The following HERC1 variants were observed in gnomAD, a reference collection of about 807,000 sequenced individuals.
HERC1 encodes probable E3 ubiquitin-protein ligase HERC1.
Under a neutral mutation model 554.3 loss-of-function variants are expected in HERC1, and 160 were observed. The observed-to-expected ratio is 0.29, with a 90% CI of 0.25 to 0.33. The LOEUF (loss-of-function observed/expected upper bound fraction) is 0.33, where lower values mean the gene tolerates loss of function less well. Ranked by LOEUF, HERC1 falls within the 10% of genes least tolerant of loss-of-function variation. The pLI is 1.00. For missense variants in HERC1, 4,919 were observed against 5,918.5 expected, an observed-to-expected ratio of 0.83 and a Z score of 5.54; for synonymous variants, 2,175 against 2,131.7, an observed-to-expected ratio of 1.02 and a Z score of -0.56.
chr15:63,656,952 G>A (rs1390642173), intron 48 of HERC1, among the ~76,000 whole-genome samples: 2 of 152,152 alleles, frequency 1.3e-5, no homozygotes, highest in African/African-American at 4.8e-5. Flanking sequence ...TGACAATCAG[G>A]CGGTTTCCAA....
At chr15:63,689,430 G>A (rs1595981181) in intron 33 of HERC1, among the ~76,000 whole-genome samples, 159 bp downstream of exon 33, 1 of 152,276 alleles carries the variant, frequency 6.6e-6, no homozygotes, top group East Asian at 1.9e-4. Context: ...ATGGTTATAA[G>A]CTGAGGGGAG....
At chr15:63,653,585 C>A (rs985048264) in intron 51 of HERC1, among the ~76,000 whole-genome samples, 4 of 152,088 alleles carry the variant, frequency 2.6e-5, no homozygotes, top group Admixed American at 6.6e-5. Flanking sequence ...TGATTCCCTG[C>A]CCCAAATTTG....
rs77891017 is a variant in HERC1, at chr15:63,712,354, G to A, written c.4584+421C>T. ...TTTTAAGACTTAACTGGATTGGGAAGGGGTGGAGAATAAAGGGATCAGGAG... is the reference window on the plus strand; with the variant it reads ...TTTTAAGACTTAACTGGATTGGGAAAGGGTGGAGAATAAAGGGATCAGGAG... On this transcript the variant is annotated intron_variant, in intron 24 of 77. Coordinates refer to ENST00000443617, the MANE Select transcript of HERC1 (RefSeq NM_003922.4). Among the ~76,000 whole-genome samples the A allele has an allele frequency of 9.0e-3, 1,375 of 152,328 alleles. 26 individuals are homozygous for A. Among genetic ancestry groups the A allele is most frequent in the African/African-American group, 0.032 (1,325 of 41,584 alleles).
rs768992628 is a variant in HERC1 at position 63,675,065 on chromosome 15, A to G, written c.7123T>C (p.Cys2375Arg). The G allele has an allele frequency of 3.1e-6, 5 of 1,614,006 alleles. No individual in the cohort carries two copies. Among genetic ancestry groups the G allele is most frequent in the Non-Finnish European group, 4.2e-6 (5 of 1,179,858 alleles). The change falls in exon 38 of 78, where the codon TGT (cysteine) becomes CGT (arginine). Residue 2375 changes from cysteine to arginine, a missense_variant. This residue lies in a region of HERC1 where 1,963 missense variants were observed against 2,228.6 expected (regional missense o/e 0.88). Transcript: ENST00000443617. The part of the protein sequence containing the change: ...SDTPLYNLEP[C>R]EPLPFDVARF... ...GCCACATCAAACGGCAATGGTTCAC[A>G]GGGTTCCAGATTATACAATGGAGTA...
chr15:63,705,372 C>T lies in HERC1; in HGVS notation c.4636+1408G>A, dbSNP rs547501182. 3.6e-4 allele frequency among the ~76,000 whole-genome samples: 55 copies of T among 152,100 alleles called. No individual in the cohort carries two copies. In the East Asian group the frequency reaches 9.7e-3, roughly 27 times the overall value. Reference sequence around the variant, plus strand: ...GTCTCACTATGTTGCCCAGACTAGCCTTCCGAAGTGCTGGGATTACAGGTG... The same window carrying T: ...GTCTCACTATGTTGCCCAGACTAGCTTTCCGAAGTGCTGGGATTACAGGTG... On this transcript the variant is annotated intron_variant, in intron 25 of 77. Coordinates refer to ENST00000443617, the MANE Select transcript of HERC1 (RefSeq NM_003922.4).
rs2073679822 is a variant in HERC1 at position 63,718,716 on chromosome 15, A to T, written c.3858-22T>A. The T allele has an allele frequency of 6.2e-7, 1 of 1,601,494 alleles. No individual in the cohort carries two copies. On this transcript the variant is annotated intron_variant, in intron 20 of 77. Coordinates refer to ENST00000443617, the MANE Select transcript of HERC1 (RefSeq NM_003922.4). This position sits in a 1 kb window ranked among gnomAD's most constrained non-coding sequence, Gnocchi z 4.2. ...ATATCTAAATGAAGAACCAAAATAG[A>T]AAAGTTACCTAATTTCTGACATCAT...
rs373069539 is a variant in HERC1, at chr15:63,713,320, T to A, written c.4463+33A>T. On this transcript the variant is annotated intron_variant, in intron 23 of 77. Coordinates refer to ENST00000443617, the MANE Select transcript of HERC1 (RefSeq NM_003922.4). ...GCATAAAGTAATAAAGGGAAGTGAG[T>A]AGGTCATGTTTTCAGTGTCTAGTCA... 3.9e-5 allele frequency: 61 copies of A among 1,545,804 alleles called. No individual in the cohort carries two copies. In the African/African-American group the frequency reaches 7.5e-4, roughly 19 times the overall value.
intron 1 of HERC1, among the ~76,000 whole-genome samples, chr15:63,801,203 A>G (rs2076974514): frequency 6.6e-6 from 1 of 152,132 alleles, no homozygotes. Flanking sequence ...GTCATTGTAA[A>G]TAGGATATTT....
chr15:63,765,885 T>G (rs899901125), intron 2 of HERC1, among the ~76,000 whole-genome samples: 3 of 152,202 alleles, frequency 2.0e-5, no homozygotes, highest in African/African-American at 7.2e-5. Flanking sequence ...TGAGACTGTT[T>G]CGCTCTTGTC....
At chr15:63,761,436 A>T (rs1054116291) in intron 3 of HERC1, among the ~76,000 whole-genome samples, 1 of 152,030 alleles carries the variant, frequency 6.6e-6, no homozygotes, top group Non-Finnish European at 1.5e-5. Context: ...AAAATAAAAA[A>T]ATTAGCCAGG....
chr15:63,757,262 CTT>C (rs56196711), intron 4 of HERC1, among the ~76,000 whole-genome samples: 19 of 107,884 alleles, frequency 1.8e-4, no homozygotes, highest in African/African-American at 6.4e-4. Context: ...TTTTTATTTA[CTT>C]TTTTTTTTTT....
chr15:63,620,711 G>T, intron 74 of HERC1, among the ~76,000 whole-genome samples: 1 of 152,120 alleles, frequency 6.6e-6, no homozygotes. Flanking sequence ...AGGATAGTTA[G>T]TTCTTCTTGT....
At chr15:63,634,036 G>A in intron 66 of HERC1, 66 bp from the exon 67 acceptor site, 1 of 1,586,638 alleles carries the variant, frequency 6.3e-7, no homozygotes, top group Admixed American at 1.7e-5. Context: ...CCGTTTCTGG[G>A]ACCCTTTTTC....
intron 22 of HERC1, among the ~76,000 whole-genome samples, chr15:63,714,357 G>C (rs1258180468): frequency 2.0e-5 from 3 of 152,064 alleles, no homozygotes; most frequent in Non-Finnish European, 4.4e-5. Context: ...ACAGAATTTA[G>C]TTTTAATATA....
At chr15:63,806,792 G>C (rs984538406) in intron 1 of HERC1, among the ~76,000 whole-genome samples, 1 of 152,200 alleles carries the variant, frequency 6.6e-6, no homozygotes, top group Non-Finnish European at 1.5e-5. Flanking sequence ...CCCACTCCGA[G>C]ACAGTCTTGC....
chr15:63,640,897 A>G (rs147905057), intron 60 of HERC1, among the ~76,000 whole-genome samples: 10 of 152,302 alleles, frequency 6.6e-5, no homozygotes, highest in Non-Finnish European at 1.0e-4. Flanking sequence ...TTCCTCCTTT[A>G]TAAGAGAATC....
Position 63,807,224 on chromosome 15 carries a change from G to A in HERC1, c.-27+26603C>T, listed in dbSNP as rs549197464. Reference sequence around the variant, plus strand: ...GCCTATTCTCTACCCTTCAAGCTCTGCTTTGCACCCTGTGAGGCTGTCCTC... The same window carrying A: ...GCCTATTCTCTACCCTTCAAGCTCTACTTTGCACCCTGTGAGGCTGTCCTC... On this transcript the variant is annotated intron_variant, in intron 1 of 77. Coordinates refer to ENST00000443617, the MANE Select transcript of HERC1 (RefSeq NM_003922.4). Among the ~76,000 whole-genome samples the A allele has an allele frequency of 5.3e-5, 8 of 152,276 alleles. No individual in the cohort carries two copies. In the East Asian group the frequency reaches 5.8e-4, roughly 11 times the overall value.
At chr15:63,623,324 G>C (rs1305256510) in intron 73 of HERC1, among the ~76,000 whole-genome samples, 1 of 152,168 alleles carries the variant, frequency 6.6e-6, no homozygotes, top group Non-Finnish European at 1.5e-5. Context: ...TTTAAGACCA[G>C]TTCGTAACTT....
At chr15:63,719,661 A>T (rs760288090) in intron 19 of HERC1, among the ~76,000 whole-genome samples, 45 of 152,372 alleles carry the variant, frequency 3.0e-4, no homozygotes, top group Non-Finnish European at 4.4e-4. Flanking sequence ...ACTCAGAAAA[A>T]GGTAAGAGCA....
Sources: allele counts gnomAD v4.1 joint callset (sites outside exome capture counted in the v4.1 genomes callset), GRCh38; gene constraint gnomAD v4.1.1; regional missense constraint gnomAD v4.1.1; non-coding constraint Gnocchi (gnomAD v3.1); transcripts MANE v1.5; gene names NCBI Gene and HGNC (gene_info 2026-07-23, HGNC 2026-07-21).